C2CD5: variants seen among roughly 807,000 people sequenced by gnomAD.
C2CD5 encodes the protein C2 calcium dependent domain containing 5.
C2CD5 carries 109 observed loss-of-function variants against 130.3 expected under a neutral mutation model. The ratio of observed to expected loss-of-function variants is 0.84; its 90% confidence interval spans 0.72 to 0.98. C2CD5 has a LOEUF of 0.98. Among genes scored for constraint, C2CD5 ranks in the 50% least tolerant of loss-of-function variants. The pLI, the probability that C2CD5 is intolerant of heterozygous loss-of-function variation, is 0.00. For missense variants in C2CD5, 996 were observed against 1,261.8 expected, an observed-to-expected ratio of 0.79 and a Z score of 3.19; for synonymous variants, 454 against 429.2, an observed-to-expected ratio of 1.06 and a Z score of -0.71.
chr12:22,522,276 A>C (rs932841222), intron 7 of C2CD5, among the ~76,000 whole-genome samples: 1 of 152,172 alleles, frequency 6.6e-6, no homozygotes, highest in Non-Finnish European at 1.5e-5. Context: ...ACAAGTCTTC[A>C]TTGTATAGGG....
intron 12 of C2CD5, among the ~76,000 whole-genome samples, chr12:22,486,186 G>GAAAAAA (rs35716305): frequency 9.0e-6 from 1 of 111,388 alleles, no homozygotes. Flanking sequence ...GGCTTGAATG[G>GAAAAAA]AAAAAAAAAA....
intron 2 of C2CD5, among the ~76,000 whole-genome samples, chr12:22,536,324 C>T (rs766436899): frequency 6.6e-6 from 1 of 152,094 alleles, no homozygotes; most frequent in African/African-American, 2.4e-5. Flanking sequence ...TTGAACCATG[C>T]ATAATACTAC....
chr12:22,513,780 T>A (rs1000318027), intron 8 of C2CD5, among the ~76,000 whole-genome samples: 2 of 152,054 alleles, frequency 1.3e-5, no homozygotes, highest in South Asian at 4.1e-4. Flanking sequence ...TAAATGTAAA[T>A]ATAGAGACAA....
At chr12:22,499,745 T>C (rs1009117962) in intron 10 of C2CD5, among the ~76,000 whole-genome samples, 2 of 152,326 alleles carry the variant, frequency 1.3e-5, no homozygotes, top group East Asian at 1.9e-4. Flanking sequence ...GATTTGTAAA[T>C]GCTGCAATCT....
intron 14 of C2CD5, among the ~76,000 whole-genome samples, chr12:22,482,131 G>A (rs2136305154): frequency 6.6e-6 from 1 of 152,250 alleles, no homozygotes; most frequent in South Asian, 2.1e-4. Context: ...ATTCTTGTGT[G>A]TCACAACTGG....
intron 1 of C2CD5, 59 bp from the exon 2 acceptor site, chr12:22,544,238 G>GGCGCGCGGGGTAACTGACAGCGAAGGA (rs1326611086): frequency 1.1e-5 from 15 of 1,357,710 alleles, no homozygotes; most frequent in African/African-American, 1.5e-5. Flanking sequence ...GAGGGGCGGA[G>GGCGCGCGGGGTAACTGACAGCGAAGGA]GCGCGCGGGG....
At chr12:22,502,341 T>C (rs1947903671) in intron 10 of C2CD5, among the ~76,000 whole-genome samples, 1 of 152,136 alleles carries the variant, frequency 6.6e-6, no homozygotes, top group Admixed American at 6.5e-5. Flanking sequence ...TAAATGTGCA[T>C]TTAAATATAC....
At chr12:22,539,639 T>G (rs1241570419) in intron 2 of C2CD5, among the ~76,000 whole-genome samples, 1 of 152,108 alleles carries the variant, frequency 6.6e-6, no homozygotes, top group Non-Finnish European at 1.5e-5. Context: ...TTCCCAACAA[T>G]GAAGACTTTT....
Position 22,544,473 on chromosome 12 carries a change from G to T in C2CD5, c.-183C>A. 9.1e-6 allele frequency: 2 copies of T among 219,048 alleles called. No homozygotes were observed. The highest frequency in any genetic ancestry group is 1.2e-4 in the East Asian group (1 of 8,576). The allele number at this position is 219,048 out of a possible 1,614,324, so 13.6% of individuals were successfully genotyped here. A position where few individuals can be genotyped will look rare whatever the true frequency, so the allele number is the denominator to read the frequency against. The stretch of plus-strand genomic sequence containing the variant: ...GTCAGCATCCCGTTGAGCCTCTGCC[G>T]CCCCTGCTTGTCTCTCCTCCCCCGC... On this transcript the variant is annotated 5_prime_UTR_variant, in exon 1 of 27. Coordinates refer to ENST00000446597, the MANE Select transcript of C2CD5 (RefSeq NM_001286176.2).
At chr12:22,516,062 AC>A (rs1236285666) in intron 8 of C2CD5, among the ~76,000 whole-genome samples, 2 of 150,414 alleles carry the variant, frequency 1.3e-5, no homozygotes, top group Non-Finnish European at 1.5e-5. Flanking sequence ...AAAAAAAAAA[AC>A]AACTTTCTCA....
intron 12 of C2CD5, 77 bp from the exon 13 acceptor site, chr12:22,484,965 T>C: frequency 1.6e-6 from 1 of 629,828 alleles, no homozygotes; most frequent in Non-Finnish European, 2.5e-6. Flanking sequence ...GTAACTGATA[T>C]TACATACACA....
chr12:22,462,497 T>C (rs1028924123), intron 22 of C2CD5, among the ~76,000 whole-genome samples: 1 of 152,206 alleles, frequency 6.6e-6, no homozygotes, highest in African/African-American at 2.4e-5. Context: ...TATGGTTTTA[T>C]AATTCCCCTA....
chr12:22,470,877 T>C lies in C2CD5; in HGVS notation c.2393A>G (p.Lys798Arg). Reference sequence around the variant, plus strand: ...TTTTGTGGTTTGTAAAGCCTGATTTTTGTCAAAAGTGATTGCGACTGCCGT... The same window carrying C: ...TTTTGTGGTTTGTAAAGCCTGATTTCTGTCAAAAGTGATTGCGACTGCCGT... ...TVTAVAITFD[K>R]NQALQTTKTP... The change falls in exon 21 of 27, where the codon AAA becomes AGA. Residue 798 changes from lysine (K) to arginine (R), a missense_variant. Around this residue, in one of 9 missense-constraint regions of C2CD5, gnomAD observed 590 missense variants for 631.4 expected, o/e 0.93. Coordinates refer to ENST00000446597, the MANE Select transcript of C2CD5 (RefSeq NM_001286176.2). The C allele has an allele frequency of 2.5e-6, 4 of 1,612,788 alleles. No homozygotes were observed. The South Asian group carries it at 3.3e-5, about 13-fold the overall frequency.
At chr12:22,537,754 T>C (rs1951965027) in intron 2 of C2CD5, among the ~76,000 whole-genome samples, 1 of 152,214 alleles carries the variant, frequency 6.6e-6, no homozygotes, top group African/African-American at 2.4e-5. Flanking sequence ...TAGCAAAATG[T>C]CTGCACATAG....
At chr12:22,472,516 G>A in intron 17 of C2CD5, 169 bp from the exon 18 acceptor site, 1 of 598,856 alleles carries the variant, frequency 1.7e-6, no homozygotes, top group Non-Finnish European at 2.9e-6. Flanking sequence ...ATTATCACAG[G>A]TTTTTTTTTC....
At chr12:22,479,297 C>A (rs927991892) in intron 14 of C2CD5, among the ~76,000 whole-genome samples, 2 of 152,020 alleles carry the variant, frequency 1.3e-5, no homozygotes, top group South Asian at 4.1e-4. Context: ...TGGTCTCCAA[C>A]TCCTGACCTC....
chr12:22,485,045 T>C (rs943305730), intron 12 of C2CD5, among the ~76,000 whole-genome samples, 157 bp from the exon 13 acceptor site: 6 of 152,092 alleles, frequency 3.9e-5, no homozygotes, highest in South Asian at 2.1e-4. Context: ...CTGATAAGAA[T>C]TGAAAATGAC....
chr12:22,517,669 GTTAC>G (rs1949871876), intron 8 of C2CD5, among the ~76,000 whole-genome samples: 1 of 152,122 alleles, frequency 6.6e-6, no homozygotes, highest in African/African-American at 2.4e-5. Context: ...AGCCACTAGT[GTTAC>G]TTTTTAGTCA....
At chr12:22,481,851 C>T (rs1944771270) in intron 14 of C2CD5, among the ~76,000 whole-genome samples, 1 of 137,324 alleles carries the variant, frequency 7.3e-6, no homozygotes, top group Admixed American at 7.8e-5. Context: ...CCGGGCTGGT[C>T]TAACTTCTGG....
Sources: gnomAD v4.1 joint callset for allele counts (sites outside exome capture counted in the v4.1 genomes callset) on GRCh38, gnomAD v4.1.1 for gene constraint, gnomAD v4.1.1 regional missense constraint, MANE v1.5 for transcripts, NCBI Gene and HGNC (gene_info 2026-07-23, HGNC 2026-07-21) for gene names.